SRGAP1: variants seen among roughly 807,000 people sequenced by gnomAD.
The protein encoded by SRGAP1 is SLIT-ROBO Rho GTPase activating protein 1, also known as SLIT-ROBO Rho GTPase-activating protein 1.
A neutral mutation model predicts 121.9 loss-of-function variants in SRGAP1; 43 were observed. The ratio of observed to expected loss-of-function variants is 0.35; its 90% CI spans 0.28 to 0.46. The LOEUF is 0.46. SRGAP1 is among the 20% of genes least tolerant of loss of function. The pLI, the probability that SRGAP1 is intolerant of heterozygous loss-of-function variation, is 1.00. For missense variants in SRGAP1, 1,102 were observed against 1,350.9 expected (o/e 0.82, Z 2.89); for synonymous variants, 447 against 485.4 (o/e 0.92, Z 1.04).
rs1024021842 is a variant in SRGAP1, at chr12:64,147,688, GA to G, written c.*5024del. 4.6e-4 allele frequency: 184 copies of G among 398,254 alleles called. No homozygotes were observed. The highest frequency in any genetic ancestry group is 7.2e-4 in the Non-Finnish European group (162 of 225,966). The allele number at this position is 398,254 out of a possible 1,614,324, so 24.7% of individuals were successfully genotyped here. ...GGGGGATGCTTTTACAGTCTGGAAA[GA>G]AAAAAAATGTTTTGTTAATCTGTTG... On this transcript the variant is annotated 3_prime_UTR_variant, in exon 22 of 22. Transcript: ENST00000355086.
chr12:63,878,000 C>T (rs1295481678), intron 1 of SRGAP1, among the ~76,000 whole-genome samples: 1 of 152,210 alleles, frequency 6.6e-6, no homozygotes, highest in African/African-American at 2.4e-5. Flanking sequence ...CTGCCATCTA[C>T]ATTTGGGAGA....
At chr12:64,074,709 T>C (rs2035702994) in intron 8 of SRGAP1, among the ~76,000 whole-genome samples, 1 of 152,286 alleles carries the variant, frequency 6.6e-6, no homozygotes, top group East Asian at 1.9e-4. Context: ...AAGAGTTTAA[T>C]TGAATAAAGA....
At chr12:64,137,705 C>T (rs2036876939) in intron 21 of SRGAP1, among the ~76,000 whole-genome samples, 1 of 151,946 alleles carries the variant, frequency 6.6e-6, no homozygotes, top group Non-Finnish European at 1.5e-5. Context: ...TACTGTATGC[C>T]ATGTCTCACA....
intron 1 of SRGAP1, among the ~76,000 whole-genome samples, chr12:63,940,402 T>TA (rs140140921): frequency 0.082 from 9,644 of 117,938 alleles, 427 homozygotes; most frequent in African/African-American, 0.13. Context: ...TTCCCCTACT[T>TA]AAAAAAAAAA....
chr12:64,079,171 GTGCCACTTCTA>G, intron 9 of SRGAP1, 55 bp downstream of exon 9: 2 of 1,596,364 alleles, frequency 1.3e-6, no homozygotes, highest in Non-Finnish European at 1.7e-6. Flanking sequence ...GGATTCCCAA[GTGCCACTTCTA>G]TAGTCACATC....
At chr12:64,049,580 A>G (rs908919701) in intron 6 of SRGAP1, among the ~76,000 whole-genome samples, 9 of 152,192 alleles carry the variant, frequency 5.9e-5, no homozygotes, top group Non-Finnish European at 1.3e-4. Context: ...TTCACATGAC[A>G]TGTGGGGATT....
rs138550268 is a variant in SRGAP1 at position 63,960,339 on chromosome 12, C to T, written c.68-23608C>T. Among the ~76,000 whole-genome samples the T allele has an allele frequency of 9.2e-5, 14 of 152,098 alleles. No individual in the cohort carries two copies. The East Asian group carries it at 2.3e-3, about 25-fold the overall frequency. On this transcript the variant is annotated intron_variant, in intron 1 of 21. Transcript: ENST00000355086. ...CTCCATAGTGCTTCCCATGTTTGTC[C>T]GTCCTTCTCCTTGCCCCTCCACCGC...
At chr12:64,114,858 G>C (rs575396067) in intron 17 of SRGAP1, among the ~76,000 whole-genome samples, 18 of 152,198 alleles carry the variant, frequency 1.2e-4, no homozygotes, top group Non-Finnish European at 2.2e-4. Context: ...TTTTCTATGG[G>C]TATTGCTCAT....
intron 1 of SRGAP1, among the ~76,000 whole-genome samples, chr12:63,846,787 C>T (rs1308631809): frequency 6.6e-6 from 1 of 152,202 alleles, no homozygotes; most frequent in African/African-American, 2.4e-5. Flanking sequence ...TAACCTAGAT[C>T]ACTACATCCA....
intron 21 of SRGAP1, among the ~76,000 whole-genome samples, chr12:64,136,100 G>T (rs1338157730): frequency 2.0e-5 from 3 of 152,162 alleles, no homozygotes; most frequent in African/African-American, 7.2e-5. Flanking sequence ...TTAGGGGTAG[G>T]TCTGCCTTCC....
In SRGAP1 at chr12:64,115,984, G is replaced by A. The variant is rs185183056; in HGVS notation, c.2224+91G>A. ...ATTAACATTTTAGAGGCAAAGCACA[G>A]TGGCTCCTACCTATAATCCCAGCAC... On this transcript the variant is annotated intron_variant, in intron 18 of 21. Coordinates refer to ENST00000355086, the MANE Select transcript of SRGAP1 (RefSeq NM_020762.4). 25 of 1,221,144 alleles carry A rather than the reference G, an allele frequency of 2.0e-5. No homozygotes were observed. In the Admixed American group the frequency reaches 5.4e-4, roughly 26 times the overall value. The allele number at this position is 1,221,144 out of a possible 1,614,324, so 75.6% of individuals were successfully genotyped here.
intron 1 of SRGAP1, among the ~76,000 whole-genome samples, chr12:63,949,022 A>G (rs1276205590): frequency 7.3e-6 from 1 of 136,146 alleles, no homozygotes; most frequent in African/African-American, 2.7e-5. Context: ...TCATATATGT[A>G]TTTTCCATAT....
At chr12:63,864,258 T>C (rs1475168691) in intron 1 of SRGAP1, among the ~76,000 whole-genome samples, 1 of 152,232 alleles carries the variant, frequency 6.6e-6, no homozygotes, top group East Asian at 1.9e-4. Flanking sequence ...TGAAATAATG[T>C]ACAGAAAGCC....
chr12:63,964,317 ATTATT>A (rs974801324), intron 1 of SRGAP1, among the ~76,000 whole-genome samples: 1 of 152,236 alleles, frequency 6.6e-6, no homozygotes, highest in African/African-American at 2.4e-5. Flanking sequence ...TGTTATTACT[ATTATT>A]AGATATCTTA....
chr12:63,984,368 G>C (rs1428062535), intron 2 of SRGAP1, among the ~76,000 whole-genome samples: 2 of 152,068 alleles, frequency 1.3e-5, no homozygotes, highest in Non-Finnish European at 2.9e-5. Flanking sequence ...ATATATTTAT[G>C]GATAGCTTTA....
At chr12:63,864,503 G>A (rs1899558379) in intron 1 of SRGAP1, among the ~76,000 whole-genome samples, 1 of 152,156 alleles carries the variant, frequency 6.6e-6, no homozygotes, top group Non-Finnish European at 1.5e-5. Flanking sequence ...CTTTCTGGCA[G>A]TTTAACTATG....
At chr12:64,053,012 T>C (rs1490817726) in intron 6 of SRGAP1, among the ~76,000 whole-genome samples, 1 of 152,204 alleles carries the variant, frequency 6.6e-6, no homozygotes, top group Non-Finnish European at 1.5e-5. Flanking sequence ...GTTTATTTCA[T>C]AGGTAATTAA....
chr12:64,150,336 A>G lies in SRGAP1; in HGVS notation c.*7664A>G, dbSNP rs2037104366. The G allele has an allele frequency of 6.6e-6, 1 of 152,212 alleles. No individual in the cohort carries two copies. Among genetic ancestry groups the G allele is most frequent in the African/African-American group, 2.4e-5 (1 of 41,464 alleles). 9.4% of individuals were successfully genotyped at this position (152,212 alleles called of 1,614,324 possible). A position where few individuals can be genotyped will look rare whatever the true frequency, so the allele number is the denominator to read the frequency against. Reference sequence around the variant, plus strand: ...TATGGATGGATCCTTCACACCCAACAGCTGTCTATCAGGGGTGCTTCCGAG... The same window carrying G: ...TATGGATGGATCCTTCACACCCAACGGCTGTCTATCAGGGGTGCTTCCGAG... On this transcript the variant is annotated 3_prime_UTR_variant, in exon 22 of 22. Transcript: ENST00000355086.
intron 4 of SRGAP1, among the ~76,000 whole-genome samples, chr12:64,021,526 C>T (rs1440266354): frequency 6.6e-6 from 1 of 152,178 alleles, no homozygotes; most frequent in Non-Finnish European, 1.5e-5. Flanking sequence ...CTCAGAGGGA[C>T]TTGCCCCAGG....
Sources: allele counts gnomAD v4.1 joint callset (sites outside exome capture counted in the v4.1 genomes callset), GRCh38; gene constraint gnomAD v4.1.1; transcripts MANE v1.5; gene names NCBI Gene and HGNC (gene_info 2026-07-23, HGNC 2026-07-21).